The following ADGRB3 variants were observed in gnomAD, a reference collection of about 807,000 sequenced individuals.
ADGRB3 encodes brain-specific angiogenesis inhibitor 3.
ADGRB3 carries 37 observed loss-of-function variants against 193.4 expected under a neutral mutation model. The observed-to-expected ratio is 0.19, with a 90% CI of 0.15 to 0.25. The LOEUF is 0.25. Ranked by LOEUF, ADGRB3 falls within the 10% of genes least tolerant of loss-of-function variation. ADGRB3 has a pLI of 1.00. For missense variants in ADGRB3, 1,637 were observed against 1,852.9 expected (o/e 0.88, Z 2.14); for synonymous variants, 690 against 644.2 (o/e 1.07, Z -1.08).
chr6:69,302,522 A>T (rs1480758315), intron 20 of ADGRB3, among the ~76,000 whole-genome samples: 1 of 151,900 alleles, frequency 6.6e-6, no homozygotes, highest in Non-Finnish European at 1.5e-5. Flanking sequence ...TGAGTTTAAC[A>T]CTGAAGGCAT....
chr6:68,951,447 A>G (rs2150254515), intron 6 of ADGRB3, among the ~76,000 whole-genome samples: 1 of 151,830 alleles, frequency 6.6e-6, no homozygotes, highest in Admixed American at 6.6e-5. Context: ...TTATTCATTT[A>G]CTCGTTTATC....
At position 68,822,646 on chromosome 6, in the gene ADGRB3, C is replaced by T. The variant is rs573063948; in HGVS notation, c.758-107913C>T. On this transcript the variant is annotated intron_variant, in intron 3 of 31. Coordinates refer to ENST00000370598, the MANE Select transcript of ADGRB3 (RefSeq NM_001704.3). Reference sequence around the variant, plus strand: ...ATTTGAATCACCAAATCTCACATAGCAAAGGACTATAGCTCAACATTCAGA... The same window carrying T: ...ATTTGAATCACCAAATCTCACATAGTAAAGGACTATAGCTCAACATTCAGA... 3.3e-5 allele frequency among the ~76,000 whole-genome samples: 5 copies of T among 152,004 alleles called. 1 individual carries two copies. The East Asian group carries it at 9.7e-4, about 29-fold the overall frequency.
intron 3 of ADGRB3, among the ~76,000 whole-genome samples, chr6:68,886,262 A>G (rs1404913220): frequency 6.6e-6 from 1 of 152,044 alleles, no homozygotes; most frequent in Admixed American, 6.6e-5. Context: ...ACTCTCATTA[A>G]CCAATATTTT....
chr6:68,751,122 G>A (rs1766190307), intron 3 of ADGRB3, among the ~76,000 whole-genome samples: 1 of 152,098 alleles, frequency 6.6e-6, no homozygotes, highest in Non-Finnish European at 1.5e-5. Context: ...CTAAGTCCAG[G>A]CTCTACTACC....
rs557387079 is a variant in ADGRB3 at position 69,110,185 on chromosome 6, A to G, written c.2480+34147A>G. Among the ~76,000 whole-genome samples, 4 of 152,100 alleles carry G rather than the reference A, an allele frequency of 2.6e-5. No individual in the cohort carries two copies. The East Asian group carries it at 7.8e-4, about 29-fold the overall frequency. The stretch of plus-strand genomic sequence containing the variant: ...CTGGTCTTGAACTCCTGACCTTGTA[A>G]TCCACCCACCTCAGTGTCCCAAAGT... On this transcript the variant is annotated intron_variant, in intron 17 of 31. Coordinates refer to ENST00000370598, the MANE Select transcript of ADGRB3 (RefSeq NM_001704.3).
chr6:69,107,294 G>A (rs1773242499), intron 17 of ADGRB3, among the ~76,000 whole-genome samples: 1 of 152,232 alleles, frequency 6.6e-6, no homozygotes, highest in Admixed American at 6.5e-5. Context: ...TAAAATTGAA[G>A]TTTTTGTTTA....
intron 3 of ADGRB3, among the ~76,000 whole-genome samples, chr6:68,780,269 G>A (rs933669838): frequency 2.0e-5 from 3 of 152,064 alleles, no homozygotes; most frequent in African/African-American, 4.8e-5. Context: ...CCCAAGAGGA[G>A]ATATAATGGG....
intron 20 of ADGRB3, among the ~76,000 whole-genome samples, chr6:69,290,877 A>C (rs969555052): frequency 2.0e-5 from 3 of 152,166 alleles, no homozygotes; most frequent in African/African-American, 7.2e-5. Flanking sequence ...CCTTTACTCA[A>C]AATAAGTTTT....
intron 10 of ADGRB3, among the ~76,000 whole-genome samples, chr6:68,987,116 A>G (rs1000156250): frequency 3.9e-5 from 6 of 152,162 alleles, no homozygotes; most frequent in Non-Finnish European, 8.8e-5. Flanking sequence ...CTTTGGAGCA[A>G]TAATGCTCAC....
intron 30 of ADGRB3, among the ~76,000 whole-genome samples, chr6:69,382,447 G>A (rs922887783): frequency 6.6e-6 from 1 of 151,904 alleles, no homozygotes; most frequent in Non-Finnish European, 1.5e-5. Flanking sequence ...TATTTCCCAT[G>A]ACAAACATCA....
chr6:69,383,793 A>G (rs1770003717), intron 31 of ADGRB3, among the ~76,000 whole-genome samples: 1 of 152,018 alleles, frequency 6.6e-6, no homozygotes, highest in Non-Finnish European at 1.5e-5. Context: ...GCTCAGCTAT[A>G]AGACATAGAG....
chr6:68,965,915 A>G (rs1768368637), intron 8 of ADGRB3, among the ~76,000 whole-genome samples: 1 of 152,192 alleles, frequency 6.6e-6, no homozygotes, highest in African/African-American at 2.4e-5. Flanking sequence ...TAAACAGAAA[A>G]AATAATTAAA....
intron 3 of ADGRB3, among the ~76,000 whole-genome samples, chr6:68,646,475 C>CAAAAAA (rs368034374): frequency 1.9e-5 from 2 of 107,604 alleles, no homozygotes; most frequent in African/African-American, 4.6e-5. Context: ...GAAACTCTGT[C>CAAAAAA]AAAAAAAAAA....
chr6:69,333,803 G>T (rs1003295076), intron 24 of ADGRB3, among the ~76,000 whole-genome samples: 3 of 151,002 alleles, frequency 2.0e-5, no homozygotes, highest in Non-Finnish European at 3.0e-5. Context: ...GGTGGTGGGC[G>T]CCTGTAGTCC....
At chr6:68,919,310 G>A (rs1026890906) in intron 3 of ADGRB3, among the ~76,000 whole-genome samples, 2 of 151,524 alleles carry the variant, frequency 1.3e-5, no homozygotes, top group Non-Finnish European at 1.5e-5. Flanking sequence ...TATTTATTTT[G>A]GGCACTGTGT....
chr6:69,348,289 A>T (rs1326965329), intron 26 of ADGRB3, among the ~76,000 whole-genome samples: 5 of 152,058 alleles, frequency 3.3e-5, no homozygotes, highest in African/African-American at 1.2e-4. Flanking sequence ...CTTCTGCAGG[A>T]TCCTCACACT....
chr6:68,985,065 T>A (rs2150270738), intron 10 of ADGRB3, among the ~76,000 whole-genome samples: 1 of 150,704 alleles, frequency 6.6e-6, no homozygotes, highest in East Asian at 2.2e-4. Flanking sequence ...GCAGGCTGCA[T>A]TGTACAACCT....
intron 3 of ADGRB3, among the ~76,000 whole-genome samples, chr6:68,885,289 T>C (rs1765876115): frequency 6.6e-6 from 1 of 152,172 alleles, no homozygotes; most frequent in Admixed American, 6.5e-5. Context: ...GATTAGAAGA[T>C]AGTTTGATTA....
chr6:68,787,892 T>G (rs572159849), intron 3 of ADGRB3, among the ~76,000 whole-genome samples: 2 of 152,308 alleles, frequency 1.3e-5, no homozygotes, highest in South Asian at 2.1e-4. Context: ...GGAGGATATA[T>G]GTGTGGAGGA....
Sources: allele counts gnomAD v4.1 joint callset (sites outside exome capture counted in the v4.1 genomes callset), GRCh38; gene constraint gnomAD v4.1.1; transcripts MANE v1.5; gene names NCBI Gene and HGNC (gene_info 2026-07-23, HGNC 2026-07-21).